ZFP36L2: variants seen among roughly 807,000 people sequenced by gnomAD.
The protein encoded by ZFP36L2 is ZFP36 like 2 zinc finger CCCH-type, also known as mRNA decay activator protein ZFP36L2.
In ZFP36L2, 16 loss-of-function variants were observed where a neutral mutation model predicts 27.9. That is an observed-to-expected ratio of 0.57 (90% CI 0.39 to 0.87). The LOEUF is 0.87. Ranked by LOEUF, ZFP36L2 falls within the 40% of genes least tolerant of loss-of-function variation. The probability of loss-of-function intolerance (pLI) is 0.00; values close to 1 mark genes in which losing one functional copy is unlikely to be tolerated. For synonymous variants in ZFP36L2, 600 were observed against 363.8 expected (o/e 1.65, Z -7.39); for missense variants, 989 against 726.9 (o/e 1.36, Z -4.15).
In ZFP36L2 at chr2:43,226,271, C is replaced by T. The variant is rs759845224; in HGVS notation, c.45G>A (p.Leu15=). The part of the protein sequence containing the change: ...LLSAFYDVDF[L]CKTEKSLANL... ...GGCCCGCTCCCTGGCCTACCTTGCA[C>T]AAGAAGTCGACATCGTAGAAGGCGG... The change falls in exon 1 of 2, where the codon TTG becomes TTA. Residue 15 remains leucine (L), a synonymous_variant. Transcript: ENST00000282388. 3 of 1,584,784 alleles carry T rather than the reference C, an allele frequency of 1.9e-6. No homozygotes were observed. In the Admixed American group the frequency reaches 5.3e-5, roughly 28 times the overall value.
intron 1 of ZFP36L2, 81 bp downstream of exon 1, chr2:43,226,184 G>A (rs890660771): frequency 6.6e-7 from 1 of 1,509,408 alleles, no homozygotes; most frequent in Non-Finnish European, 9.0e-7. Flanking sequence ...GGCGGGAGGG[G>A]CGTCCCCCAG....
In ZFP36L2 at chr2:43,224,797, C is replaced by G. The variant is rs990014604; in HGVS notation, c.1007G>C (p.Gly336Ala). The G allele has an allele frequency of 2.1e-6, 3 of 1,457,018 alleles. No homozygotes were observed. In the African/African-American group the frequency reaches 4.4e-5, roughly 21 times the overall value. 90.3% of individuals were successfully genotyped at this position (1,457,018 alleles called of 1,614,324 possible). The part of the protein sequence containing the change: ...AAAAAAALLY[G>A]TGGAEDLLAP... The stretch of plus-strand genomic sequence containing the variant: ...CAGCAGGTCCTCGGCGCCCCCGGTG[C>G]CGTACAGCAGAGCGGCCGCAGCCGC... Residue 336 changes from glycine (G) to alanine (A), a missense_variant, in exon 2 of 2, where the codon GGC becomes GCC. Transcript: ENST00000282388.
In ZFP36L2 at chr2:43,226,587, C is replaced by T. The variant is rs940036912; in HGVS notation, c.-272G>A. On this transcript the variant is annotated 5_prime_UTR_variant, in exon 1 of 2. Coordinates refer to ENST00000282388, the MANE Select transcript of ZFP36L2 (RefSeq NM_006887.5). ...GCCCCCCCCGCGGAGCCGACGGCAG[C>T]TCGCGGACTGCTGGAACTCGGCGGC... 4.2e-6 allele frequency: 2 copies of T among 481,612 alleles called. No individual in the cohort carries two copies. Among genetic ancestry groups the T allele is most frequent in the South Asian group, 2.7e-5 (1 of 37,308 alleles). 29.8% of individuals were successfully genotyped at this position (481,612 alleles called of 1,614,324 possible).
At position 43,226,310 on chromosome 2, in the gene ZFP36L2, C is replaced by T; in HGVS notation, c.6G>A (p.Ser2=). The part of the protein sequence containing the change: M[S]TTLLSAFYDV... ...CGTAGAAGGCGGACAGAAGTGTGGT[C>T]GACATGTTTCTGGATCCCGCAGTGG... is the stretch of plus-strand genomic sequence containing the variant. Residue 2 remains serine (S), a synonymous_variant, in exon 1 of 2, where the codon TCG becomes TCA. Coordinates refer to ENST00000282388, the MANE Select transcript of ZFP36L2 (RefSeq NM_006887.5). 1.9e-6 allele frequency: 3 copies of T among 1,584,750 alleles called. No individual in the cohort carries two copies. The highest frequency in any genetic ancestry group is 2.6e-6 in the Non-Finnish European group (3 of 1,164,454).
chr2:43,224,533 G>A lies in ZFP36L2; in HGVS notation c.1271C>T (p.Pro424Leu), dbSNP rs1210096376. 5 of 1,457,094 alleles carry A rather than the reference G, an allele frequency of 3.4e-6. No homozygotes were observed. Among genetic ancestry groups the A allele is most frequent in the South Asian group, 2.7e-5 (2 of 75,340 alleles). The allele number at this position is 1,457,094 out of a possible 1,614,324, so 90.3% of individuals were successfully genotyped here. ...CTGGAAGCTGAAGGGCGGCGAGGGA[G>A]GTGCGGCGGCCCCGGCGGGGAGGGT... ...SATLPAGAAA[P>L]PSPPFSFQLP... The change falls in exon 2 of 2, where the codon CCT (proline) becomes CTT (leucine). Residue 424 changes from proline (P) to leucine (L), a missense_variant. By Grantham distance (98) the Pro-to-Leu change is moderately conservative (BLOSUM62 -3). Transcript: ENST00000282388.
Position 43,223,398 on chromosome 2 carries a change from TTCA to T in ZFP36L2, c.*918_*920del, listed in dbSNP as rs565874850. ...ATAAAAGAATATATATCTATTGCTT[TTCA>T]TCATACTTGATAAATACAGTATGAA... is the stretch of plus-strand genomic sequence containing the variant. On this transcript the variant is annotated 3_prime_UTR_variant, in exon 2 of 2. Transcript: ENST00000282388. 2.3e-3 allele frequency: 348 copies of T among 152,348 alleles called. 2 individuals are homozygous for T. The highest frequency in any genetic ancestry group is 7.4e-3 in the African/African-American group (309 of 41,554). The allele number at this position is 152,348 out of a possible 1,614,324, so 9.4% of individuals were successfully genotyped here. A position where few individuals can be genotyped will look rare whatever the true frequency, so the allele number is the denominator to read the frequency against.
Position 43,224,593 on chromosome 2 carries a change from G to C in ZFP36L2, c.1211C>G (p.Ala404Gly), listed in dbSNP as rs779626802. ...CGGCGCCGGCGGCTGCGCGGGGGGC[G>C]CCAGGCCCTGCTGCTGCTGCTGCTG... ...SQQQQQQQGL[A>G]PPAQPPAPPS... The change falls in exon 2 of 2, where the codon GCG becomes GGG. Residue 404 changes from alanine to glycine, a missense_variant. Coordinates refer to ENST00000282388, the MANE Select transcript of ZFP36L2 (RefSeq NM_006887.5). 1.0e-5 allele frequency: 14 copies of C among 1,373,016 alleles called. No homozygotes were observed. The highest frequency in any genetic ancestry group is 1.5e-5 in the African/African-American group (1 of 66,894). 85.1% of individuals were successfully genotyped at this position (1,373,016 alleles called of 1,614,324 possible).
Position 43,225,396 on chromosome 2 carries a change from G to A in ZFP36L2, c.408C>T (p.His136=), listed in dbSNP as rs1300350232. The A allele has an allele frequency of 3.1e-6, 5 of 1,613,566 alleles. No individual in the cohort carries two copies. Among genetic ancestry groups the A allele is most frequent in the South Asian group, 2.2e-5 (2 of 91,080 alleles). The change falls in exon 2 of 2, where the codon CAC becomes CAT. Residue 136 remains histidine (H), a synonymous_variant. Coordinates refer to ENST00000282388, the MANE Select transcript of ZFP36L2 (RefSeq NM_006887.5). ...CGCCCCCCTTCTGCTGCTGCTGCAGGTGCAGGAGGTGCTGGCTGCGATCGC... is the reference window on the plus strand; with the variant it reads ...CGCCCCCCTTCTGCTGCTGCTGCAGATGCAGGAGGTGCTGGCTGCGATCGC... ...ENGDRSQHLL[H]LQQQQKGGGG...
rs770352331 is a variant in ZFP36L2, at chr2:43,225,570, G to A, written c.234C>T (p.Phe78=). The change falls in exon 2 of 2, where the codon TTC becomes TTT. Residue 78 remains phenylalanine (F), a synonymous_variant. Transcript: ENST00000282388. The stretch of plus-strand genomic sequence containing the variant: ...AGCTGCTGCCGTTAGCGGCGCCCGG[G>A]AACTTGGGCGAGCAGCTGCCGGGGC... ...APSPGSCSPK[F]PGAANGSSCG... is the part of the protein sequence containing the mutation. 2 of 1,566,154 alleles carry A rather than the reference G, an allele frequency of 1.3e-6. No individual in the cohort carries two copies. The highest frequency in any genetic ancestry group is 1.1e-5 in the South Asian group (1 of 88,030).
Position 43,224,387 on chromosome 2 carries a change from CAGAGCCGCTGAGGCTGCCGGAGCTCAG to C in ZFP36L2, c.1390_1416del (p.Leu464_Ser472del). 6.4e-7 allele frequency: 1 copy of C among 1,563,144 alleles called. No homozygotes were observed. The stretch of plus-strand genomic sequence containing the variant: ...CGGCCAGGGTCGAGGCTGGGAGACT[CAGAGCCGCTGAGGCTGCCGGAGCTCAG>C]GGAGCCGCTTAGGTAGCTGTCGCGG... On this transcript the variant is annotated inframe_deletion, in exon 2 of 2. Coordinates refer to ENST00000282388, the MANE Select transcript of ZFP36L2 (RefSeq NM_006887.5).
At position 43,225,723 on chromosome 2, in the gene ZFP36L2, C is replaced by G; in HGVS notation, c.81G>C (p.Leu27=). 2.5e-6 allele frequency: 4 copies of G among 1,594,952 alleles called. No homozygotes were observed. Among genetic ancestry groups the G allele is most frequent in the Non-Finnish European group, 3.4e-6 (4 of 1,178,548 alleles). The change falls in exon 2 of 2, where the codon CTG becomes CTC. Residue 27 remains leucine (L), a synonymous_variant. Transcript: ENST00000282388. ...KTEKSLANLN[L]NNMLDKKAVG... is the part of the protein sequence containing the mutation. ...CCGCCTTCTTGTCCAGCATGTTGTT[C>G]AGGTTGAGGTTGGCCAGGGATTTCT...
rs1395794576 is a variant in ZFP36L2, at chr2:43,225,400, A to C, written c.404T>G (p.Leu135Arg). 1.2e-6 allele frequency: 2 copies of C among 1,613,226 alleles called. No individual in the cohort carries two copies. The highest frequency in any genetic ancestry group is 3.3e-5 in the Admixed American group (2 of 59,960). Residue 135 changes from leucine (L) to arginine (R), a missense_variant, in exon 2 of 2, where the codon CTG becomes CGG. Leu to Arg is a moderately radical substitution (Grantham distance 102). Coordinates refer to ENST00000282388, the MANE Select transcript of ZFP36L2 (RefSeq NM_006887.5). ...CCCCTTCTGCTGCTGCTGCAGGTGCAGGAGGTGCTGGCTGCGATCGCCGTT... is the reference window on the plus strand; with the variant it reads ...CCCCTTCTGCTGCTGCTGCAGGTGCCGGAGGTGCTGGCTGCGATCGCCGTT... ...SENGDRSQHL[L>R]HLQQQQKGGG...
Position 43,224,582 on chromosome 2 carries a change from G to C in ZFP36L2, c.1222C>G (p.Gln408Glu), listed in dbSNP as rs1439830262. 9.7e-6 allele frequency: 13 copies of C among 1,338,426 alleles called. No homozygotes were observed. The highest frequency in any genetic ancestry group is 1.1e-5 in the Non-Finnish European group (12 of 1,050,218). The allele number at this position is 1,338,426 out of a possible 1,614,324, so 82.9% of individuals were successfully genotyped here. A position where few individuals can be genotyped will look rare whatever the true frequency, so the allele number is the denominator to read the frequency against. The change falls in exon 2 of 2, where the codon CAG becomes GAG. Residue 408 changes from glutamine (Q) to glutamate (E), a missense_variant. By Grantham distance (29) the Gln-to-Glu change is conservative (BLOSUM62 2). Transcript: ENST00000282388. ...GTCGCGCTGGGCGGCGCCGGCGGCT[G>C]CGCGGGGGGCGCCAGGCCCTGCTGC... ...QQQQGLAPPA[Q>E]PPAPPSATLP...
chr2:43,224,600 C>CCTGCTG lies in ZFP36L2; in HGVS notation c.1198_1203dup (p.Gln400_Gln401dup), dbSNP rs556928050. The CCTGCTG allele has an allele frequency of 5.6e-3, 7,922 of 1,413,696 alleles. 14 individuals are homozygous for CCTGCTG. The highest frequency in any genetic ancestry group is 0.018 in the South Asian group (1,218 of 67,276). The allele number at this position is 1,413,696 out of a possible 1,614,324, so 87.6% of individuals were successfully genotyped here. A position where few individuals can be genotyped will look rare whatever the true frequency, so the allele number is the denominator to read the frequency against. On this transcript the variant is annotated inframe_insertion, in exon 2 of 2. Transcript: ENST00000282388. ...GGCGGCTGCGCGGGGGGCGCCAGGC[C>CCTGCTG]CTGCTGCTGCTGCTGCTGCTGACTG...
rs1256758611 is a variant in ZFP36L2, at chr2:43,225,139, C to T, written c.665G>A (p.Arg222Gln). The change falls in exon 2 of 2, where the codon CGG becomes CAG. Residue 222 changes from arginine (R) to glutamine (Q), a missense_variant. Arg to Gln is a conservative substitution (Grantham distance 43, BLOSUM62 1). Coordinates refer to ENST00000282388, the MANE Select transcript of ZFP36L2 (RefSeq NM_006887.5). Reference protein sequence around the residue: ...CHFIHNADERRPAPSGGASGD... With the variant: ...CHFIHNADERQPAPSGGASGD... Reference sequence around the variant, plus strand: ...GGAGGCGCCCCCCGACGGCGCGGGCCGCCGCTCGTCCGCGTTGTGGATGAA... The same window carrying T: ...GGAGGCGCCCCCCGACGGCGCGGGCTGCCGCTCGTCCGCGTTGTGGATGAA... 6 of 1,587,908 alleles carry T rather than the reference C, an allele frequency of 3.8e-6. No individual in the cohort carries two copies. Among genetic ancestry groups the T allele is most frequent in the Admixed American group, 1.7e-5 (1 of 58,416 alleles).
rs1310777385 is a variant in ZFP36L2, at chr2:43,225,167, G to A, written c.637C>T (p.His213Tyr). ...CGCTCGTCCGCGTTGTGGATGAAGT[G>A]GCAGCGCGGCCCATAGGGGCAGAAG... The part of the protein sequence containing the change: ...IGFCPYGPRC[H>Y]FIHNADERRP... The change falls in exon 2 of 2, where the codon CAC becomes TAC. Residue 213 changes from histidine to tyrosine, a missense_variant. Coordinates refer to ENST00000282388, the MANE Select transcript of ZFP36L2 (RefSeq NM_006887.5). 6.3e-7 allele frequency: 1 copy of A among 1,597,900 alleles called. No homozygotes were observed. The highest frequency in any genetic ancestry group is 8.5e-7 in the Non-Finnish European group (1 of 1,179,366).
At position 43,224,790 on chromosome 2, in the gene ZFP36L2, C is replaced by A; in HGVS notation, c.1014G>T (p.Gly338=). The change falls in exon 2 of 2, where the codon GGG becomes GGT. Residue 338 remains glycine (G), a synonymous_variant. Coordinates refer to ENST00000282388, the MANE Select transcript of ZFP36L2 (RefSeq NM_006887.5). ...AAAAALLYGT[G]GAEDLLAPGA... Reference sequence around the variant, plus strand: ...CCGGCGCCAGCAGGTCCTCGGCGCCCCCGGTGCCGTACAGCAGAGCGGCCG... The same window carrying A: ...CCGGCGCCAGCAGGTCCTCGGCGCCACCGGTGCCGTACAGCAGAGCGGCCG... 1 of 1,462,920 alleles carries A rather than the reference C, an allele frequency of 6.8e-7. No homozygotes were observed. The highest frequency in any genetic ancestry group is 9.0e-7 in the Non-Finnish European group (1 of 1,115,282). 90.6% of individuals were successfully genotyped at this position (1,462,920 alleles called of 1,614,324 possible). A position where few individuals can be genotyped will look rare whatever the true frequency, so the allele number is the denominator to read the frequency against.
chr2:43,222,936 G>GCTACATGTCTTTATA lies in ZFP36L2; in HGVS notation c.*1368_*1382dup, dbSNP rs1666998667. The GCTACATGTCTTTATA allele has an allele frequency of 6.6e-6, 1 of 152,106 alleles. No homozygotes were observed. The highest frequency in any genetic ancestry group is 6.6e-5 in the Admixed American group (1 of 15,254). 9.4% of individuals were successfully genotyped at this position (152,106 alleles called of 1,614,324 possible). A position where few individuals can be genotyped will look rare whatever the true frequency, so the allele number is the denominator to read the frequency against. On this transcript the variant is annotated 3_prime_UTR_variant, in exon 2 of 2. Coordinates refer to ENST00000282388, the MANE Select transcript of ZFP36L2 (RefSeq NM_006887.5). ...GACTCCCCCCCCACTCCCCGTTATT[G>GCTACATGTCTTTATA]CTACATGTCTTTATACTCGAGTATG...
At position 43,224,255 on chromosome 2, in the gene ZFP36L2, G is replaced by A; in HGVS notation, c.*64C>T. 1 of 1,442,906 alleles carries A rather than the reference G, an allele frequency of 6.9e-7. No homozygotes were observed. The highest frequency in any genetic ancestry group is 1.3e-5 in the South Asian group (1 of 74,100). The allele number at this position is 1,442,906 out of a possible 1,614,324, so 89.4% of individuals were successfully genotyped here. A position where few individuals can be genotyped will look rare whatever the true frequency, so the allele number is the denominator to read the frequency against. On this transcript the variant is annotated 3_prime_UTR_variant, in exon 2 of 2. Transcript: ENST00000282388. Reference sequence around the variant, plus strand: ...CCGTGCCCCCAGCAAGGGCGAGATGGCGAGGGGTGTCCTCCAACATCTCTG... The same window carrying A: ...CCGTGCCCCCAGCAAGGGCGAGATGACGAGGGGTGTCCTCCAACATCTCTG...
Sources: allele counts gnomAD v4.1 joint callset, GRCh38; gene constraint gnomAD v4.1.1; transcripts MANE v1.5; gene names NCBI Gene and HGNC (gene_info 2026-07-23, HGNC 2026-07-21).